The following CFHR1 variants were observed in gnomAD, a reference collection of about 807,000 sequenced individuals.
CFHR1 encodes complement factor H related 1.
In CFHR1, 22 loss-of-function variants were observed where a neutral mutation model predicts 30.4. The observed-to-expected ratio is 0.72, with a 90% CI of 0.52 to 1.03. CFHR1 has a LOEUF of 1.03. Ranked by LOEUF, CFHR1 falls within the 50% of genes least tolerant of loss-of-function variation. The pLI is 0.00. For missense variants in CFHR1, 248 were observed against 380.6 expected (o/e 0.65, Z 2.90); for synonymous variants, 95 against 129.1 (o/e 0.74, Z 1.79).
intron 1 of CFHR1, among the ~76,000 whole-genome samples, chr1:196,822,933 A>G (rs1226352812): frequency 1.5e-5 from 2 of 134,352 alleles, no homozygotes; most frequent in Non-Finnish European, 3.1e-5. Context: ...CATTGCCACA[A>G]ATATGTGAGT....
In CFHR1 at chr1:196,830,719, G is replaced by C. The variant is rs1694447; in HGVS notation, c.790+37G>C. ...AATATTCACGTGGCTGGAAAAATCA[G>C]TGTGATGAGTCTGATATTTTGCTGT... On this transcript the variant is annotated intron_variant, in intron 5 of 5. Coordinates refer to ENST00000320493, the MANE Select transcript of CFHR1 (RefSeq NM_002113.3). 7.8e-3 allele frequency: 11,846 copies of C among 1,514,640 alleles called. 3,344 individuals are homozygous for C. In the African/African-American group the frequency reaches 0.15, roughly 19 times the overall value. The allele number at this position is 1,514,640 out of a possible 1,614,324, so 93.8% of individuals were successfully genotyped here.
At chr1:196,828,795 GTTTTTT>G (rs61334687) in intron 4 of CFHR1, among the ~76,000 whole-genome samples, 1 of 113,382 alleles carries the variant, frequency 8.8e-6, no homozygotes, top group African/African-American at 4.0e-5. Context: ...GTTGTCCTGT[GTTTTTT>G]TTTTTTTTTC....
Position 196,823,821 on chromosome 1 carries a change from C to A in CFHR1, c.59-1656C>A, listed in dbSNP as rs1375695790. On this transcript the variant is annotated intron_variant, in intron 1 of 5. Coordinates refer to ENST00000320493, the MANE Select transcript of CFHR1 (RefSeq NM_002113.3). ...TAGAACGTACAACATCAAGAGTGAACCCCAACATAAACTATGAACTTTGGG... is the reference window on the plus strand; with the variant it reads ...TAGAACGTACAACATCAAGAGTGAAACCCAACATAAACTATGAACTTTGGG... 3.0e-5 allele frequency among the ~76,000 whole-genome samples: 4 copies of A among 134,306 alleles called. 1 individual carries two copies. The highest frequency in any genetic ancestry group is 1.3e-4 in the African/African-American group (4 of 31,292). The allele number at this position is 134,306 out of a possible 152,430, so 88.1% of individuals were successfully genotyped here.
chr1:196,830,758 A>G, intron 5 of CFHR1, 76 bp downstream of exon 5: 1 of 1,464,294 alleles, frequency 6.8e-7, no homozygotes, highest in Non-Finnish European at 9.3e-7. Flanking sequence ...TAACAAAATA[A>G]TCACAGATTA....
At position 196,825,348 on chromosome 1, in the gene CFHR1, AGCATTTAAGCTAAAG is replaced by A. The variant is rs574930771; in HGVS notation, c.59-114_59-100del. 1.1e-3 allele frequency: 725 copies of A among 674,378 alleles called. 63 individuals carry two copies. The East Asian group carries it at 0.018, about 17-fold the overall frequency. 41.8% of individuals were successfully genotyped at this position (674,378 alleles called of 1,614,324 possible). A position where few individuals can be genotyped will look rare whatever the true frequency, so the allele number is the denominator to read the frequency against. ...TTCATTCCTAATTTGTACACTGGAA[AGCATTTAAGCTAAAG>A]GCATTTAAGCTAAATGAAAGAAAAA... On this transcript the variant is annotated intron_variant, in intron 1 of 5. Transcript: ENST00000320493.
chr1:196,828,232 C>A lies in CFHR1; in HGVS notation c.593C>A (p.Pro198Gln), dbSNP rs1178714032. 1.3e-5 allele frequency: 16 copies of A among 1,219,162 alleles called. 5 individuals are homozygous for A. Among genetic ancestry groups the A allele is most frequent in the Non-Finnish European group, 1.5e-5 (14 of 903,876 alleles). 75.5% of individuals were successfully genotyped at this position (1,219,162 alleles called of 1,614,324 possible). The change falls in exon 4 of 6, where the codon CCA (proline) becomes CAA (glutamine). Residue 198 changes from proline to glutamine, a missense_variant. Around this residue, in one of 3 missense-constraint regions of CFHR1, gnomAD observed 15 missense variants for 61.7 expected, o/e 0.24. Transcript: ENST00000320493. ...TGTTTAAATGGAAACTGGACAGAAC[C>A]ACCTCAATGCAAAGGTAGAGTATTA... ...VMCLNGNWTEPPQCKDSTGKC... is the reference protein window; with the variant it reads ...VMCLNGNWTEQPQCKDSTGKC...
rs753093577 is a variant in CFHR1, at chr1:196,830,652, G to A, written c.760G>A (p.Gly254Arg). The A allele has an allele frequency of 5.4e-5, 82 of 1,524,458 alleles. 11 individuals carry two copies. The highest frequency in any genetic ancestry group is 3.9e-5 in the Non-Finnish European group (44 of 1,129,096). The allele number at this position is 1,524,458 out of a possible 1,614,324, so 94.4% of individuals were successfully genotyped here. A position where few individuals can be genotyped will look rare whatever the true frequency, so the allele number is the denominator to read the frequency against. Residue 254 changes from glycine (G) to arginine (R), a missense_variant, in exon 5 of 6, where the codon GGA (glycine) becomes AGA (arginine). Physicochemically the swap from Gly to Arg is moderately radical, Grantham distance 125 (BLOSUM62 -2). Coordinates refer to ENST00000320493, the MANE Select transcript of CFHR1 (RefSeq NM_002113.3). ...EGNKRITCRN[G>R]QWSEPPKCLH... ...TAACAAGCGAATAACATGTAGAAATGGACAATGGTCAGAACCACCAAAATG... is the reference window on the plus strand; with the variant it reads ...TAACAAGCGAATAACATGTAGAAATAGACAATGGTCAGAACCACCAAAATG...
chr1:196,831,151 A>G (rs1655544044), intron 5 of CFHR1, among the ~76,000 whole-genome samples: 1 of 136,024 alleles, frequency 7.4e-6, no homozygotes, highest in African/African-American at 3.1e-5. Flanking sequence ...AACACAAAAA[A>G]GTAATTTTTC....
chr1:196,821,945 G>A lies in CFHR1; in HGVS notation c.58+2043G>A, dbSNP rs1400194277. Among the ~76,000 whole-genome samples the A allele has an allele frequency of 1.2e-4, 14 of 120,398 alleles. 4 individuals are homozygous for A. The highest frequency in any genetic ancestry group is 4.7e-4 in the African/African-American group (12 of 25,724). The allele number at this position is 120,398 out of a possible 152,430, so 79.0% of individuals were successfully genotyped here. On this transcript the variant is annotated intron_variant, in intron 1 of 5. Coordinates refer to ENST00000320493, the MANE Select transcript of CFHR1 (RefSeq NM_002113.3). ...CGCTCCTAGGCTGCAAACCTGTACA[G>A]CATGTTACTGTACTGAATACTGTGG...
In CFHR1 at chr1:196,823,782, G is replaced by A. The variant is rs1655214524; in HGVS notation, c.59-1695G>A. ...AGCTAAATACGTACTCAAAGATAAA[G>A]CATATCAAACCCATAGAACGTACAA... is the stretch of plus-strand genomic sequence containing the variant. On this transcript the variant is annotated intron_variant, in intron 1 of 5. Coordinates refer to ENST00000320493, the MANE Select transcript of CFHR1 (RefSeq NM_002113.3). Among the ~76,000 whole-genome samples the A allele has an allele frequency of 2.2e-5, 3 of 134,674 alleles. 1 individual carries two copies. Among genetic ancestry groups the A allele is most frequent in the Non-Finnish European group, 4.7e-5 (3 of 64,212 alleles). 88.4% of individuals were successfully genotyped at this position (134,674 alleles called of 152,430 possible). A position where few individuals can be genotyped will look rare whatever the true frequency, so the allele number is the denominator to read the frequency against.
At position 196,830,650 on chromosome 1, in the gene CFHR1, A is replaced by G. The variant is rs370598837; in HGVS notation, c.758A>G (p.Asn253Ser). 1 of 1,524,968 alleles carries G rather than the reference A, an allele frequency of 6.6e-7. No homozygotes were observed. The highest frequency in any genetic ancestry group is 1.7e-5 in the African/African-American group (1 of 58,066). The allele number at this position is 1,524,968 out of a possible 1,614,324, so 94.5% of individuals were successfully genotyped here. A position where few individuals can be genotyped will look rare whatever the true frequency, so the allele number is the denominator to read the frequency against. ...LEGNKRITCR[N>S]GQWSEPPKCL... is the part of the protein sequence containing the mutation. The stretch of plus-strand genomic sequence containing the variant: ...GGTAACAAGCGAATAACATGTAGAA[A>G]TGGACAATGGTCAGAACCACCAAAA... Residue 253 changes from asparagine to serine, a missense_variant, in exon 5 of 6, where the codon AAT (asparagine) becomes AGT (serine). Physicochemically the swap from Asn to Ser is conservative, Grantham distance 46. Coordinates refer to ENST00000320493, the MANE Select transcript of CFHR1 (RefSeq NM_002113.3).
intron 2 of CFHR1, among the ~76,000 whole-genome samples, chr1:196,826,611 C>G (rs437504): frequency 1.5e-5 from 2 of 131,584 alleles, no homozygotes; most frequent in African/African-American, 3.3e-5. Context: ...CCACTATGCC[C>G]GCTAATTTTT....
In CFHR1 at chr1:196,830,618, A is replaced by G. The variant is rs1277206805; in HGVS notation, c.726A>G (p.Gln242=). Residue 242 remains glutamine (Q), a synonymous_variant, in exon 5 of 6, where the codon CAA becomes CAG. Coordinates refer to ENST00000320493, the MANE Select transcript of CFHR1 (RefSeq NM_002113.3). The part of the protein sequence containing the change: ...SVEYQCQNLY[Q]LEGNKRITCR... The stretch of plus-strand genomic sequence containing the variant: ...AGTACCAATGCCAGAACTTGTATCA[A>G]CTTGAGGGTAACAAGCGAATAACAT... 1 of 1,524,554 alleles carries G rather than the reference A, an allele frequency of 6.6e-7. No individual in the cohort carries two copies. Among genetic ancestry groups the G allele is most frequent in the Non-Finnish European group, 8.9e-7 (1 of 1,128,946 alleles). 94.4% of individuals were successfully genotyped at this position (1,524,554 alleles called of 1,614,324 possible).
At chr1:196,826,612 G>A in intron 2 of CFHR1, among the ~76,000 whole-genome samples, 1 of 133,292 alleles carries the variant, frequency 7.5e-6, no homozygotes, top group East Asian at 2.0e-4. Context: ...CACTATGCCC[G>A]CTAATTTTTG....
At chr1:196,825,764 A>G in intron 2 of CFHR1, 93 bp downstream of exon 2, 2 of 1,262,214 alleles carry the variant, frequency 1.6e-6, no homozygotes, top group Non-Finnish European at 2.2e-6. Flanking sequence ...AATCACAGGG[A>G]CAGTGACCAA....
chr1:196,825,847 T>C lies in CFHR1; in HGVS notation c.253+176T>C, dbSNP rs1655302669. ...CCTATAAGAATCAATGAAGAATAAA[T>C]ATGTCAACTGTCTTGTGTTACCTGG... On this transcript the variant is annotated intron_variant, in intron 2 of 5. Transcript: ENST00000320493. 7 of 594,406 alleles carry C rather than the reference T, an allele frequency of 1.2e-5. No individual in the cohort carries two copies. The Admixed American group carries it at 1.8e-4, about 15-fold the overall frequency. 36.8% of individuals were successfully genotyped at this position (594,406 alleles called of 1,614,324 possible). A position where few individuals can be genotyped will look rare whatever the true frequency, so the allele number is the denominator to read the frequency against.
Position 196,831,905 on chromosome 1 carries a change from G to A in CFHR1, c.899G>A (p.Cys300Tyr), listed in dbSNP as rs1275559927. ...ACAGGTGAATCAGCTGAATTTGTGT[G>A]TAAACGGGGATATCGTCTTTCATCA... ...LRTGESAEFV[C>Y]KRGYRLSSRS... Residue 300 changes from cysteine to tyrosine, a missense_variant, in exon 6 of 6, where the codon TGT becomes TAT. Physicochemically the swap from Cys to Tyr is radical, Grantham distance 194 (BLOSUM62 -2). Around this residue, in one of 3 missense-constraint regions of CFHR1, gnomAD observed 112 missense variants for 156.4 expected, o/e 0.72. Coordinates refer to ENST00000320493, the MANE Select transcript of CFHR1 (RefSeq NM_002113.3). 3 of 1,525,544 alleles carry A rather than the reference G, an allele frequency of 2.0e-6. 1 individual carries two copies. In the South Asian group the frequency reaches 3.7e-5, roughly 19 times the overall value. The allele number at this position is 1,525,544 out of a possible 1,614,324, so 94.5% of individuals were successfully genotyped here.
At chr1:196,830,899 G>A (rs1278914728) in intron 5 of CFHR1, among the ~76,000 whole-genome samples, 1 of 134,430 alleles carries the variant, frequency 7.4e-6, no homozygotes, top group Admixed American at 7.2e-5. Flanking sequence ...AGGCCGAGGC[G>A]GGCAGATCAC....
At chr1:196,831,698 A>C in intron 5 of CFHR1, 99 bp from the exon 6 acceptor site, 1 of 1,344,968 alleles carries the variant, frequency 7.4e-7, no homozygotes, top group Non-Finnish European at 1.0e-6. Flanking sequence ...TTGAGAAATA[A>C]TTCCTGAACC....
Sources: allele counts gnomAD v4.1 joint callset (sites outside exome capture counted in the v4.1 genomes callset), GRCh38; gene constraint gnomAD v4.1.1; regional missense constraint gnomAD v4.1.1; transcripts MANE v1.5; gene names NCBI Gene and HGNC (gene_info 2026-07-23, HGNC 2026-07-21).